IGSF10: variants seen among roughly 807,000 people sequenced by gnomAD.
IGSF10 encodes the protein calvaria mechanical force protein 608.
In IGSF10, 126 loss-of-function variants were observed where a neutral mutation model predicts 128.2. That is an observed-to-expected ratio of 0.98 (90% confidence interval 0.85 to 1.14). IGSF10 has a LOEUF of 1.14. Ranked by LOEUF, IGSF10 falls within the 50% of genes most tolerant of loss-of-function variation. IGSF10 has a pLI of 0.00. For missense variants in IGSF10, 3,295 were observed against 3,149.8 expected (o/e 1.05, Z -1.10); for synonymous variants, 1,185 against 1,146.2 (o/e 1.03, Z -0.68).
At chr3:151,600,346 A>G in the IGSF10 span, among the ~76,000 whole-genome samples, 1 of 152,116 alleles carries the variant, frequency 6.6e-6, no homozygotes, top group African/African-American at 2.4e-5. Context: ...CCTGCTTACC[A>G]ATTCTCTCCA....
the IGSF10 span, among the ~76,000 whole-genome samples, chr3:151,613,460 C>G: frequency 2.0e-5 from 3 of 152,162 alleles, no homozygotes; most frequent in African/African-American, 7.2e-5. Context: ...CAGCATGGTA[C>G]TGGTACCAAA....
the IGSF10 span, among the ~76,000 whole-genome samples, chr3:151,572,036 A>G: frequency 1.3e-5 from 2 of 152,150 alleles, no homozygotes; most frequent in African/African-American, 4.8e-5. Context: ...TGGTTTGCGT[A>G]TGTTGCACCA....
intron 5 of IGSF10, 86 bp from the exon 6 acceptor site, chr3:151,449,351 G>A (rs1460115271): frequency 1.5e-6 from 2 of 1,326,346 alleles, no homozygotes; most frequent in Non-Finnish European, 2.0e-6. Context: ...TTTGCTAGAA[G>A]CTGAAACAAT....
At chr3:151,509,763 G>C in the IGSF10 span, among the ~76,000 whole-genome samples, 6 of 152,166 alleles carry the variant, frequency 3.9e-5, no homozygotes, top group Non-Finnish European at 5.9e-5. Context: ...TGGAAAATTG[G>C]GTCACTCCCA....
chr3:151,528,553 G>A, the IGSF10 span, among the ~76,000 whole-genome samples: 1 of 152,192 alleles, frequency 6.6e-6, no homozygotes, highest in Non-Finnish European at 1.5e-5. Context: ...CCCATGGAGG[G>A]CAAACCAAAG....
chr3:151,590,269 G>C, the IGSF10 span, among the ~76,000 whole-genome samples: 1 of 152,034 alleles, frequency 6.6e-6, no homozygotes, highest in Non-Finnish European at 1.5e-5. Context: ...TTAAACTCCT[G>C]AGCTCAAGCA....
At chr3:151,528,765 TG>T in the IGSF10 span, among the ~76,000 whole-genome samples, 3 of 150,978 alleles carry the variant, frequency 2.0e-5, no homozygotes, top group Non-Finnish European at 4.4e-5. Flanking sequence ...AAAAACTAAG[TG>T]GCTGTTTGGG....
the IGSF10 span, among the ~76,000 whole-genome samples, chr3:151,527,666 T>G: frequency 6.6e-6 from 1 of 152,168 alleles, no homozygotes; most frequent in African/African-American, 2.4e-5. Flanking sequence ...AATCCAAATC[T>G]GGGCCAGGTG....
rs1720268403 is a variant in IGSF10 at position 151,436,688 on chromosome 3, G to T, written c.*1C>A. 6.4e-7 allele frequency: 1 copy of T among 1,574,764 alleles called. No individual in the cohort carries two copies. The highest frequency in any genetic ancestry group is 8.6e-7 in the Non-Finnish European group (1 of 1,159,610). ...GATGTTGTTGACTTTATTATTTCAT[G>T]TCAGATTACTTGAATATACGTTGCT... On this transcript the variant is annotated 3_prime_UTR_variant, in exon 8 of 8. Coordinates refer to ENST00000282466, the MANE Select transcript of IGSF10 (RefSeq NM_178822.5).
At chr3:151,619,047 A>G in the IGSF10 span, among the ~76,000 whole-genome samples, 1 of 151,606 alleles carries the variant, frequency 6.6e-6, no homozygotes, top group Admixed American at 6.6e-5. Context: ...AATAAATAGA[A>G]TAGTTACATA....
In IGSF10 at chr3:151,458,586, G is replaced by T. The variant is rs1416068971; in HGVS notation, c.124C>A (p.His42Asn). The change falls in exon 3 of 8, where the codon CAC (histidine) becomes AAC (asparagine). Residue 42 changes from histidine to asparagine, a missense_variant. Coordinates refer to ENST00000282466, the MANE Select transcript of IGSF10 (RefSeq NM_178822.5). ...GAAGTCAGGTACCGAAATGTGCAGT[G>T]TACCTCCGTAGGCATATAACAGGCA... ...RCACYMPTEV[H>N]CTFRYLTSIP... 6.2e-7 allele frequency: 1 copy of T among 1,614,172 alleles called. No homozygotes were observed. Among genetic ancestry groups the T allele is most frequent in the African/African-American group, 1.3e-5 (1 of 75,042 alleles).
chr3:151,543,403 C>T, the IGSF10 span, among the ~76,000 whole-genome samples: 1 of 152,126 alleles, frequency 6.6e-6, no homozygotes, highest in African/African-American at 2.4e-5. Context: ...GCTTCTACTA[C>T]CCCCACACCT....
the IGSF10 span, among the ~76,000 whole-genome samples, chr3:151,473,472 G>C: frequency 6.6e-6 from 1 of 152,172 alleles, no homozygotes; most frequent in African/African-American, 2.4e-5. Context: ...GCAAGCAAAA[G>C]GTATATTGTG....
chr3:151,523,240 C>T, the IGSF10 span, among the ~76,000 whole-genome samples: 8 of 152,130 alleles, frequency 5.3e-5, no homozygotes, highest in Non-Finnish European at 1.0e-4. Flanking sequence ...GGCCATACTG[C>T]CCAAAGCAAC....
chr3:151,476,988 T>C, the IGSF10 span, among the ~76,000 whole-genome samples: 55 of 152,160 alleles, frequency 3.6e-4, no homozygotes, highest in Non-Finnish European at 1.8e-4. Context: ...GGGCAAAACA[T>C]ACACAGTGTC....
At chr3:151,478,509 G>A in the IGSF10 span, among the ~76,000 whole-genome samples, 4 of 152,162 alleles carry the variant, frequency 2.6e-5, no homozygotes, top group Non-Finnish European at 4.4e-5. Flanking sequence ...TGAGAATCCT[G>A]CCAGCATACC....
the IGSF10 span, among the ~76,000 whole-genome samples, chr3:151,586,619 T>G: frequency 2.0e-5 from 3 of 152,240 alleles, no homozygotes; most frequent in African/African-American, 7.2e-5. Context: ...TTCAGAGTAT[T>G]CTTTATCTCC....
chr3:151,494,254 T>C, the IGSF10 span, among the ~76,000 whole-genome samples: 8 of 151,150 alleles, frequency 5.3e-5, 1 homozygote, highest in African/African-American at 1.7e-4. Context: ...TAAAATGTTG[T>C]ATTCTGTGAA....
intron 7 of IGSF10, among the ~76,000 whole-genome samples, chr3:151,441,800 G>A (rs1239886096): frequency 1.3e-5 from 2 of 152,218 alleles, no homozygotes; most frequent in Non-Finnish European, 2.9e-5. Context: ...GGTGGCTCAT[G>A]CCTGTAATCC....
Sources: gnomAD v4.1 joint callset for allele counts (sites outside exome capture counted in the v4.1 genomes callset) on GRCh38, gnomAD v4.1.1 for gene constraint, MANE v1.5 for transcripts, NCBI Gene and HGNC (gene_info 2026-07-23, HGNC 2026-07-21) for gene names.